The following CSGALNACT1 variants were observed in gnomAD, a reference collection of about 807,000 sequenced individuals.
CSGALNACT1 encodes the protein beta4GalNAcT-1.
In CSGALNACT1, 52 loss-of-function variants were observed where a neutral mutation model predicts 51.0. The observed-to-expected ratio is 1.02, with a 90% CI of 0.82 to 1.29. The LOEUF is 1.29. Among genes scored for constraint, CSGALNACT1 ranks in the 50% most tolerant of loss-of-function variants. The pLI is 0.00. For synonymous variants in CSGALNACT1, 341 were observed against 254.4 expected (o/e 1.34, Z -3.24); for missense variants, 935 against 679.2 (o/e 1.38, Z -4.19).
intron 1 of CSGALNACT1, among the ~76,000 whole-genome samples, chr8:19,660,085 C>T (rs2058631094): frequency 6.6e-6 from 1 of 152,232 alleles, no homozygotes; most frequent in African/African-American, 2.4e-5. Flanking sequence ...CCCAGTCTTA[C>T]AACTAGGATG....
At chr8:19,438,125 A>G (rs1388568433) in intron 6 of CSGALNACT1, among the ~76,000 whole-genome samples, 2 of 139,412 alleles carry the variant, frequency 1.4e-5, no homozygotes, top group South Asian at 2.3e-4. Context: ...CATAGGAAGG[A>G]GGCTGTGAAG....
intron 1 of CSGALNACT1, among the ~76,000 whole-genome samples, chr8:19,703,105 G>A (rs2061972313): frequency 6.6e-6 from 1 of 152,170 alleles, no homozygotes; most frequent in South Asian, 2.1e-4. Flanking sequence ...GCTCACTAGT[G>A]TCCCTCCAAT....
chr8:19,418,827 T>A, intron 7 of CSGALNACT1, 77 bp from the exon 7 acceptor site: 1 of 985,340 alleles, frequency 1.0e-6, no homozygotes, highest in Non-Finnish European at 1.6e-6. Context: ...TTTGGCCCTC[T>A]GAAACACCCC....
intron 1 of CSGALNACT1, among the ~76,000 whole-genome samples, chr8:19,719,594 C>T (rs1205223033): frequency 5.3e-5 from 8 of 152,128 alleles, no homozygotes; most frequent in African/African-American, 1.4e-4. Flanking sequence ...ATGGTAGGAG[C>T]AAATCAGCAA....
chr8:19,677,664 T>C (rs1007478583), intron 1 of CSGALNACT1, among the ~76,000 whole-genome samples: 4 of 152,130 alleles, frequency 2.6e-5, no homozygotes, highest in Non-Finnish European at 5.9e-5. Context: ...TAGTATTGAA[T>C]GTAAATACTG....
chr8:19,666,969 AAGAAAG>A (rs2059333719), intron 1 of CSGALNACT1, among the ~76,000 whole-genome samples: 1 of 7,178 alleles, frequency 1.4e-4, no homozygotes, highest in African/African-American at 9.7e-4. Context: ...GAAAGAAAGA[AAGAAAG>A]AAAGAAAGAA....
chr8:19,495,987 C>T (rs1366028233), intron 4 of CSGALNACT1, among the ~76,000 whole-genome samples: 2 of 152,182 alleles, frequency 1.3e-5, no homozygotes, highest in African/African-American at 4.8e-5. Flanking sequence ...AAAAGGGGTT[C>T]TAGGCTGACT....
intron 4 of CSGALNACT1, among the ~76,000 whole-genome samples, chr8:19,500,403 A>C (rs2076215633): frequency 6.6e-6 from 1 of 152,060 alleles, no homozygotes; most frequent in East Asian, 1.9e-4. Flanking sequence ...CATACCTCTC[A>C]AATGCCCAGA....
chr8:19,472,906 T>C (rs2153874747), intron 4 of CSGALNACT1, among the ~76,000 whole-genome samples: 1 of 152,360 alleles, frequency 6.6e-6, no homozygotes, highest in South Asian at 2.1e-4. Flanking sequence ...AATAAATATA[T>C]GTAAAACATT....
intron 1 of CSGALNACT1, among the ~76,000 whole-genome samples, chr8:19,716,150 C>T (rs1021999886): frequency 3.9e-5 from 6 of 152,192 alleles, no homozygotes; most frequent in South Asian, 2.1e-4. Flanking sequence ...TCCTCTAACA[C>T]AGTCCTGAAT....
chr8:19,725,425 CTTTT>C (rs749829348), intron 1 of CSGALNACT1, among the ~76,000 whole-genome samples: 1 of 136,142 alleles, frequency 7.3e-6, no homozygotes. Flanking sequence ...TTTCTTTTTT[CTTTT>C]TTTTTTTTTT....
At chr8:19,675,391 C>G (rs1449121272) in intron 1 of CSGALNACT1, among the ~76,000 whole-genome samples, 1 of 152,144 alleles carries the variant, frequency 6.6e-6, no homozygotes, top group Non-Finnish European at 1.5e-5. Flanking sequence ...TCAGATAAAT[C>G]TTACAGAAAT....
At chr8:19,524,404 A>G (rs2081279244) in intron 3 of CSGALNACT1, among the ~76,000 whole-genome samples, 1 of 151,816 alleles carries the variant, frequency 6.6e-6, no homozygotes, top group Non-Finnish European at 1.5e-5. Flanking sequence ...AGAACTCAAA[A>G]CTCACCATTT....
intron 4 of CSGALNACT1, among the ~76,000 whole-genome samples, chr8:19,474,934 T>C (rs2069149230): frequency 7.8e-6 from 1 of 128,514 alleles, no homozygotes; most frequent in Admixed American, 7.8e-5. Flanking sequence ...GACTAGAATA[T>C]ACAAAGATGA....
At chr8:19,482,663 C>T (rs2071748504) in intron 4 of CSGALNACT1, among the ~76,000 whole-genome samples, 1 of 152,128 alleles carries the variant, frequency 6.6e-6, no homozygotes, top group Non-Finnish European at 1.5e-5. Flanking sequence ...CCTTCCTCTG[C>T]CTATAACATA....
At chr8:19,578,880 C>CA (rs1456456703) in intron 3 of CSGALNACT1, among the ~76,000 whole-genome samples, 1 of 152,114 alleles carries the variant, frequency 6.6e-6, no homozygotes, top group Non-Finnish European at 1.5e-5. Context: ...GTCGACCCTG[C>CA]AAACCACCCT....
rs192189897 is a variant in CSGALNACT1, at chr8:19,688,219, G to T, written c.-297+69631C>A. Among the ~76,000 whole-genome samples the T allele has an allele frequency of 3.9e-5, 6 of 152,214 alleles. No homozygotes were observed. The East Asian group carries it at 9.7e-4, about 25-fold the overall frequency. On this transcript the variant is annotated intron_variant, in intron 1 of 1. Transcript: ENST00000517494. ...TTCCCATGGGCTGCTTTCCTCAATG[G>T]GTAATTTAGGGAAATAGATGGAGTT...
At chr8:19,429,704 G>T (rs2059356413) in intron 6 of CSGALNACT1, among the ~76,000 whole-genome samples, 1 of 152,300 alleles carries the variant, frequency 6.6e-6, no homozygotes, top group African/African-American at 2.4e-5. Context: ...ACAGTTATTT[G>T]TTTCAATACT....
At chr8:19,529,911 C>G (rs2082407401) in intron 3 of CSGALNACT1, among the ~76,000 whole-genome samples, 1 of 152,080 alleles carries the variant, frequency 6.6e-6, no homozygotes, top group Non-Finnish European at 1.5e-5. Context: ...ACAATTATTT[C>G]TCATATTTTA....
Sources: allele counts gnomAD v4.1 joint callset (sites outside exome capture counted in the v4.1 genomes callset), GRCh38; gene constraint gnomAD v4.1.1; transcripts MANE v1.5; gene names NCBI Gene and HGNC (gene_info 2026-07-23, HGNC 2026-07-21).